Variants in GRIK3 observed in about 807,000 individuals in gnomAD.
GRIK3 encodes glutamate ionotropic receptor kainate type subunit 3, also known as glutamate receptor ionotropic, kainate 3.
Under a neutral mutation model 102.5 loss-of-function variants are expected in GRIK3, and 29 were observed. That is an observed-to-expected ratio of 0.28 (90% CI 0.21 to 0.39). The LOEUF (loss-of-function observed/expected upper bound fraction) is 0.39, where lower values mean the gene tolerates loss of function less well. GRIK3 is among the 10% of genes least tolerant of loss of function. GRIK3 has a pLI of 1.00. For synonymous variants in GRIK3, 511 were observed against 504.9 expected (o/e 1.01, Z -0.16); for missense variants, 908 against 1,252.4 (o/e 0.73, Z 4.15).
In GRIK3 at chr1:36,853,684, G is replaced by T; in HGVS notation, c.1143C>A (p.Asn381Lys). 1 of 1,613,912 alleles carries T rather than the reference G, an allele frequency of 6.2e-7. No individual in the cohort carries two copies. The highest frequency in any genetic ancestry group is 1.1e-5 in the South Asian group (1 of 91,078). ...WEGLTGRIVF[N>K]KTSGLRTDFD... ...AATCCGTCCGCAAGCCACTAGTTTTGTTGAAAACAATTCGTCCAGTTAATC... is the reference window on the plus strand; with the variant it reads ...AATCCGTCCGCAAGCCACTAGTTTTTTTGAAAACAATTCGTCCAGTTAATC... The change falls in exon 8 of 16, where the codon AAC becomes AAA. Residue 381 changes from asparagine (N) to lysine (K), a missense_variant. By Grantham distance (94) the Asn-to-Lys change is moderately conservative. Around this residue, in one of 3 missense-constraint regions of GRIK3, gnomAD observed 585 missense variants for 824.9 expected, o/e 0.71. Transcript: ENST00000373091.
At chr1:36,896,860 C>T (rs112723640) in intron 1 of GRIK3, among the ~76,000 whole-genome samples, 34 of 152,060 alleles carry the variant, frequency 2.2e-4, no homozygotes, top group Non-Finnish European at 3.8e-4. Context: ...AACAACTGAT[C>T]AATATAATAC....
At chr1:36,848,207 C>T (rs1640541333) in intron 9 of GRIK3, among the ~76,000 whole-genome samples, 1 of 152,124 alleles carries the variant, frequency 6.6e-6, no homozygotes, top group Non-Finnish European at 1.5e-5. Flanking sequence ...AAAATTTAAC[C>T]CCTTGATCTT....
rs78904880 is a variant in GRIK3, at chr1:37,014,507, A to T, written c.115+19487T>A. On this transcript the variant is annotated intron_variant, in intron 1 of 15. Transcript: ENST00000373091. ...ACATCTTTTCATACCTGAATGGAGTAATGAGGTCTTATCATGTGTGCCCCA... is the reference window on the plus strand; with the variant it reads ...ACATCTTTTCATACCTGAATGGAGTTATGAGGTCTTATCATGTGTGCCCCA... 5.5e-3 allele frequency among the ~76,000 whole-genome samples: 842 copies of T among 152,342 alleles called. 10 individuals carry two copies. Among genetic ancestry groups the T allele is most frequent in the African/African-American group, 0.019 (790 of 41,582 alleles).
chr1:36,900,920 T>C (rs1422754598), intron 1 of GRIK3, among the ~76,000 whole-genome samples: 3 of 152,150 alleles, frequency 2.0e-5, no homozygotes, highest in Non-Finnish European at 2.9e-5. Context: ...GGAATATTAA[T>C]AACTCTATGT....
At chr1:36,914,928 C>A (rs1641382554) in intron 1 of GRIK3, among the ~76,000 whole-genome samples, 1 of 152,228 alleles carries the variant, frequency 6.6e-6, no homozygotes, top group Non-Finnish European at 1.5e-5. Flanking sequence ...ATTCATCAGC[C>A]TGGTGCTTTG....
chr1:36,970,065 G>A (rs1465084910), intron 1 of GRIK3, among the ~76,000 whole-genome samples: 1 of 152,222 alleles, frequency 6.6e-6, no homozygotes, highest in East Asian at 1.9e-4. Flanking sequence ...CAAAAACTGA[G>A]CAGTCATTCA....
chr1:36,860,096 A>C, intron 5 of GRIK3, 79 bp from the exon 6 acceptor site: 25 of 1,131,116 alleles, frequency 2.2e-5, no homozygotes, highest in Non-Finnish European at 3.2e-5. Flanking sequence ...CCACTCCCTA[A>C]TCAGGGCCGC....
intron 1 of GRIK3, among the ~76,000 whole-genome samples, chr1:37,018,757 G>A (rs1440465083): frequency 5.9e-5 from 9 of 151,970 alleles, no homozygotes; most frequent in Admixed American, 1.3e-4. Context: ...ATTGATGCCT[G>A]CATTGATGGA....
intron 10 of GRIK3, among the ~76,000 whole-genome samples, chr1:36,838,965 C>T (rs1333009894): frequency 6.6e-6 from 1 of 152,232 alleles, no homozygotes; most frequent in Non-Finnish European, 1.5e-5. Flanking sequence ...AAAGCACCGC[C>T]TGGCTGCTCG....
At chr1:36,825,926 T>C (rs1009645891) in intron 10 of GRIK3, 100 bp from the exon 11 acceptor site, 6 of 840,522 alleles carry the variant, frequency 7.1e-6, no homozygotes, top group Non-Finnish European at 7.5e-6. Context: ...GTGAAGTCAG[T>C]TGTCCCAGCC....
chr1:37,018,889 G>A (rs1642680999), intron 1 of GRIK3, among the ~76,000 whole-genome samples: 1 of 152,096 alleles, frequency 6.6e-6, no homozygotes, highest in Admixed American at 6.5e-5. Context: ...GCCCCCAGGA[G>A]CAAAAGTACA....
chr1:36,948,715 C>G (rs546875517), intron 1 of GRIK3, among the ~76,000 whole-genome samples: 1 of 152,286 alleles, frequency 6.6e-6, no homozygotes, highest in East Asian at 1.9e-4. Flanking sequence ...GTGTAGGAAC[C>G]CAGGTCAGCT....
In GRIK3 at chr1:37,033,995, G is replaced by A; in HGVS notation, c.114C>T (p.Ile38=). Residue 38 remains isoleucine, a splice_region_variant and synonymous_variant, in exon 1 of 16, where the codon ATC becomes ATT. Coordinates refer to ENST00000373091, the MANE Select transcript of GRIK3 (RefSeq NM_000831.4). ...DSRGMPHVIR[I]GGIFEYADGP... ...CCCCCGGCTCCAGGGAGCGCTTACCGATCCGGATGACGTGGGGCATCCCGC... is the reference window on the plus strand; with the variant it reads ...CCCCCGGCTCCAGGGAGCGCTTACCAATCCGGATGACGTGGGGCATCCCGC... The A allele has an allele frequency of 1.3e-6, 2 of 1,577,928 alleles. No homozygotes were observed. Among genetic ancestry groups the A allele is most frequent in the Non-Finnish European group, 1.7e-6 (2 of 1,157,836 alleles).
intron 10 of GRIK3, among the ~76,000 whole-genome samples, chr1:36,826,981 C>T (rs373662833): frequency 2.6e-5 from 4 of 152,162 alleles, no homozygotes; most frequent in Non-Finnish European, 5.9e-5. Context: ...CTCCTTCAGC[C>T]CCATGTTCTG....
At chr1:36,951,374 G>T (rs1391628522) in intron 1 of GRIK3, among the ~76,000 whole-genome samples, 1 of 152,242 alleles carries the variant, frequency 6.6e-6, no homozygotes, top group Non-Finnish European at 1.5e-5. Context: ...TCTAGGACAT[G>T]TGGAAGAAGG....
Position 36,890,905 on chromosome 1 carries a change from G to C in GRIK3, c.292+15C>G. The C allele has an allele frequency of 1.3e-6, 2 of 1,596,532 alleles. No homozygotes were observed. The highest frequency in any genetic ancestry group is 1.7e-6 in the Non-Finnish European group (2 of 1,168,894). On this transcript the variant is annotated intron_variant, in intron 2 of 15. Transcript: ENST00000373091. ...CAGGCTGGGAAGAGAACAGAGGCAG[G>C]AGCTGCACACTCACCCTTTTTGGTC... is the stretch of plus-strand genomic sequence containing the variant.
At chr1:36,876,810 C>G (rs1037665333) in intron 3 of GRIK3, among the ~76,000 whole-genome samples, 1 of 152,204 alleles carries the variant, frequency 6.6e-6, no homozygotes, top group African/African-American at 2.4e-5. Context: ...ACCTGAGCCC[C>G]TAGTGCTCAT....
Position 36,801,741 on chromosome 1 carries a change from G to A in GRIK3, c.*110C>T. ...AGGAGGCTCCTGGCCCAACAGGCAG[G>A]TGGCAGCTCTGGTCCCCAAGCCCAG... On this transcript the variant is annotated 3_prime_UTR_variant, in exon 16 of 16. Transcript: ENST00000373091. The A allele has an allele frequency of 1.1e-6, 1 of 909,742 alleles. No homozygotes were observed. The highest frequency in any genetic ancestry group is 1.6e-6 in the Non-Finnish European group (1 of 634,738). 56.4% of individuals were successfully genotyped at this position (909,742 alleles called of 1,614,324 possible).
intron 1 of GRIK3, among the ~76,000 whole-genome samples, chr1:37,023,743 AC>A (rs1231442494): frequency 1.3e-5 from 2 of 152,210 alleles, no homozygotes; most frequent in African/African-American, 4.8e-5. Context: ...ACTATTCAGA[AC>A]AGTGATTCCC....
Sources: gnomAD v4.1 joint callset for allele counts (sites outside exome capture counted in the v4.1 genomes callset) on GRCh38, gnomAD v4.1.1 for gene constraint, gnomAD v4.1.1 regional missense constraint, MANE v1.5 for transcripts, NCBI Gene and HGNC (gene_info 2026-07-23, HGNC 2026-07-21) for gene names.